The following MRPS18A variants were observed in gnomAD, a reference collection of about 807,000 sequenced individuals.
MRPS18A encodes the protein large ribosomal subunit protein mL66.
In MRPS18A, 20 loss-of-function variants were observed where a neutral mutation model predicts 22.7. The ratio of observed to expected loss-of-function variants is 0.88; its 90% confidence interval spans 0.62 to 1.28. The LOEUF (loss-of-function observed/expected upper bound fraction) is 1.28, where lower values mean the gene tolerates loss of function less well. Among genes scored for constraint, MRPS18A ranks in the 50% most tolerant of loss-of-function variants. The pLI is 0.00. For synonymous variants in MRPS18A, 106 were observed against 99.1 expected (o/e 1.07, Z -0.41); for missense variants, 294 against 262.6 (o/e 1.12, Z -0.83).
chr6:43,675,078 G>T, intron 5 of MRPS18A, 124 bp downstream of exon 5: 1 of 820,018 alleles, frequency 1.2e-6, no homozygotes, highest in Non-Finnish European at 1.8e-6. Context: ...AGCGAAGACT[G>T]CAGCAGGGGT....
chr6:43,681,109 G>C lies in MRPS18A; in HGVS notation c.124C>G (p.Gln42Glu). Residue 42 changes from glutamine (Q) to glutamate (E), a missense_variant, in exon 2 of 6, where the codon CAA becomes GAA. Physicochemically the swap from Gln to Glu is conservative, Grantham distance 29. Coordinates refer to ENST00000372133, the MANE Select transcript of MRPS18A (RefSeq NM_018135.4). ...CTTACTATAGTTGTCTTCCCTTCTT[G>C]GGTCTCCACCACTACGGAGATAAAG... Reference protein sequence around the residue: ...ARGFREVVETQEGKTTIIEGR... With the variant: ...ARGFREVVETEEGKTTIIEGR... 6.2e-7 allele frequency: 1 copy of C among 1,613,388 alleles called. No homozygotes were observed. Among genetic ancestry groups the C allele is most frequent in the Non-Finnish European group, 8.5e-7 (1 of 1,179,476 alleles).
chr6:43,672,132 C>T, intron 5 of MRPS18A: 1 of 594,706 alleles, frequency 1.7e-6, no homozygotes, highest in Non-Finnish European at 3.0e-6. Flanking sequence ...CAGGTTCAGG[C>T]AGCCCAGGGC....
chr6:43,676,931 A>C (rs1774087727), intron 3 of MRPS18A, among the ~76,000 whole-genome samples: 1 of 152,192 alleles, frequency 6.6e-6, no homozygotes. Flanking sequence ...ACTGGGCTGG[A>C]GGCCCCAGCC....
chr6:43,676,336 T>C (rs185036606), intron 3 of MRPS18A, among the ~76,000 whole-genome samples: 2 of 152,328 alleles, frequency 1.3e-5, no homozygotes, highest in Admixed American at 6.5e-5. Context: ...AAAGTCTATA[T>C]ACCACAAGCC....
chr6:43,675,414 A>G, intron 4 of MRPS18A, 80 bp downstream of exon 4: 1 of 1,610,530 alleles, frequency 6.2e-7, no homozygotes, highest in Non-Finnish European at 8.5e-7. Flanking sequence ...TTCTTCCAGG[A>G]GGGGCTGAAA....
At chr6:43,683,990 A>C (rs1774552119) in intron 1 of MRPS18A, among the ~76,000 whole-genome samples, 1 of 152,140 alleles carries the variant, frequency 6.6e-6, no homozygotes, top group Admixed American at 6.6e-5. Flanking sequence ...TTGTGGTGAG[A>C]TTGCAGTGAA....
intron 1 of MRPS18A, among the ~76,000 whole-genome samples, chr6:43,682,718 G>A (rs1379240294): frequency 1.3e-5 from 2 of 152,206 alleles, no homozygotes; most frequent in Admixed American, 6.5e-5. Context: ...ACTCAATGTG[G>A]TCCTCAGTCT....
In MRPS18A at chr6:43,671,279, T is replaced by C. The variant is rs116495290; in HGVS notation, c.*483A>G. The C allele has an allele frequency of 3.7e-3, 1,793 of 482,900 alleles. 24 individuals carry two copies. The highest frequency in any genetic ancestry group is 0.029 in the African/African-American group (1,502 of 51,620). 29.9% of individuals were successfully genotyped at this position (482,900 alleles called of 1,614,324 possible). A position where few individuals can be genotyped will look rare whatever the true frequency, so the allele number is the denominator to read the frequency against. On this transcript the variant is annotated 3_prime_UTR_variant, in exon 6 of 6. Transcript: ENST00000372133. ...AGCCCACCTTGGCTCCCTGCAGCTC[T>C]CCCACAGTAAGGAGCTCACAGCTGT...
intron 1 of MRPS18A, among the ~76,000 whole-genome samples, chr6:43,683,058 C>T (rs1464706314): frequency 6.6e-6 from 1 of 152,166 alleles, no homozygotes; most frequent in Non-Finnish European, 1.5e-5. Context: ...GGTGGAGGCA[C>T]TTGGGTCCTA....
intron 1 of MRPS18A, 32 bp from the exon 2 acceptor site, chr6:43,681,152 G>C: frequency 6.2e-7 from 1 of 1,604,830 alleles, no homozygotes; most frequent in Non-Finnish European, 8.5e-7. Flanking sequence ...CATTAGGTCA[G>C]CCATTTAATA....
chr6:43,672,979 G>A (rs1374316679), intron 5 of MRPS18A, among the ~76,000 whole-genome samples: 1 of 150,696 alleles, frequency 6.6e-6, no homozygotes, highest in African/African-American at 2.4e-5. Context: ...GCTAGTTATA[G>A]GGACTGCTTT....
chr6:43,671,555 G>A lies in MRPS18A; in HGVS notation c.*207C>T. ...ATAGCAGCTGGCAAGGGACCCAACT[G>A]CCCTGCCTGCCTCTAGCTCCCAGCA... On this transcript the variant is annotated 3_prime_UTR_variant, in exon 6 of 6. Coordinates refer to ENST00000372133, the MANE Select transcript of MRPS18A (RefSeq NM_018135.4). The A allele has an allele frequency of 1.6e-6, 1 of 615,336 alleles. No homozygotes were observed. The highest frequency in any genetic ancestry group is 2.8e-6 in the Non-Finnish European group (1 of 352,968). 38.1% of individuals were successfully genotyped at this position (615,336 alleles called of 1,614,324 possible). A position where few individuals can be genotyped will look rare whatever the true frequency, so the allele number is the denominator to read the frequency against.
At chr6:43,678,319 T>C (rs1353339860) in intron 3 of MRPS18A, 199 bp downstream of exon 3, 17 of 483,976 alleles carry the variant, frequency 3.5e-5, no homozygotes, top group Non-Finnish European at 4.9e-5. Context: ...GTGGAGCCCA[T>C]GCATCATTAT....
At chr6:43,672,986 CTTT>C (rs530348186) in intron 5 of MRPS18A, among the ~76,000 whole-genome samples, 5 of 127,164 alleles carry the variant, frequency 3.9e-5, no homozygotes, top group Admixed American at 8.2e-5. Context: ...ATAGGGACTG[CTTT>C]TTTTTTTTTT....
At position 43,687,752 on chromosome 6, in the gene MRPS18A, C is replaced by G. The variant is rs1308462990; in HGVS notation, c.28G>C (p.Gly10Arg). 6.3e-7 allele frequency: 1 copy of G among 1,583,940 alleles called. No homozygotes were observed. The highest frequency in any genetic ancestry group is 2.3e-5 in the East Asian group (1 of 43,836). The change falls in exon 1 of 6, where the codon GGC becomes CGC. Residue 10 changes from glycine (G) to arginine (R), a missense_variant. Physicochemically the swap from Gly to Arg is moderately radical, Grantham distance 125. Coordinates refer to ENST00000372133, the MANE Select transcript of MRPS18A (RefSeq NM_018135.4). MAALKALVS[G>R]CGRLLRGLLA... Reference sequence around the variant, plus strand: ...AGCCCACGGAGAAGCCGCCCACAGCCGGACACCAGAGCCTTGAGGGCCGCC... The same window carrying G: ...AGCCCACGGAGAAGCCGCCCACAGCGGGACACCAGAGCCTTGAGGGCCGCC...
At chr6:43,679,644 G>A (rs1301572346) in intron 2 of MRPS18A, among the ~76,000 whole-genome samples, 1 of 152,158 alleles carries the variant, frequency 6.6e-6, no homozygotes, top group African/African-American at 2.4e-5. Context: ...GAGTGAGGCT[G>A]GGACGGGTCT....
At position 43,671,835 on chromosome 6, in the gene MRPS18A, C is replaced by T. The variant is rs138289141; in HGVS notation, c.518G>A (p.Arg173His). Residue 173 changes from arginine (R) to histidine (H), a missense_variant, in exon 6 of 6, where the codon CGC (arginine) becomes CAC (histidine). Physicochemically the swap from Arg to His is conservative, Grantham distance 29. Transcript: ENST00000372133. ...YKKGPRWNRV[R>H]MPVGSPLLRD... Reference sequence around the variant, plus strand: ...CAGAAGGGGTGACCCCACGGGCATGCGCACCCTGTTCCAGCGGGGGCCTTT... The same window carrying T: ...CAGAAGGGGTGACCCCACGGGCATGTGCACCCTGTTCCAGCGGGGGCCTTT... 227 of 1,614,130 alleles carry T rather than the reference C, an allele frequency of 1.4e-4. 1 individual carries two copies. In the African/African-American group the frequency reaches 2.4e-3, roughly 17 times the overall value.
At chr6:43,675,739 C>T in intron 3 of MRPS18A, 122 bp from the exon 4 acceptor site, 1 of 1,180,442 alleles carries the variant, frequency 8.5e-7, no homozygotes, top group Non-Finnish European at 1.2e-6. Context: ...GAGATCACTT[C>T]CTCCACACAG....
chr6:43,687,234 A>G (rs1319424690), intron 1 of MRPS18A, among the ~76,000 whole-genome samples: 1 of 152,180 alleles, frequency 6.6e-6, no homozygotes, highest in African/African-American at 2.4e-5. Context: ...GAACGCCGCC[A>G]TCAGATCACA....
Sources: allele counts gnomAD v4.1 joint callset (sites outside exome capture counted in the v4.1 genomes callset), GRCh38; gene constraint gnomAD v4.1.1; transcripts MANE v1.5; gene names NCBI Gene and HGNC (gene_info 2026-07-23, HGNC 2026-07-21).